The following COPS3 variants were observed in gnomAD, a reference collection of about 807,000 sequenced individuals.
COPS3 encodes the protein COP9 signalosome complex subunit 3.
A neutral mutation model predicts 58.2 loss-of-function variants in COPS3; 10 were observed. The ratio of observed to expected loss-of-function variants is 0.17; its 90% CI spans 0.11 to 0.29. The LOEUF (loss-of-function observed/expected upper bound fraction) is 0.29, where lower values mean the gene tolerates loss of function less well. Ranked by LOEUF, COPS3 falls within the 10% of genes least tolerant of loss-of-function variation. The probability of loss-of-function intolerance (pLI) is 1.00; values close to 1 mark genes in which losing one functional copy is unlikely to be tolerated. For synonymous variants in COPS3, 187 were observed against 181.7 expected (o/e 1.03, Z -0.24); for missense variants, 333 against 510.1 (o/e 0.65, Z 3.34).
chr17:17,279,941 C>A (rs6502570), intron 1 of COPS3, among the ~76,000 whole-genome samples: 107,432 of 152,122 alleles, frequency 0.71, 38,157 homozygotes, highest in East Asian at 0.85. Flanking sequence ...CTGGAAAGTG[C>A]GAGTAAAATC....
At chr17:17,278,927 G>A (rs2048517032) in intron 1 of COPS3, among the ~76,000 whole-genome samples, 1 of 150,970 alleles carries the variant, frequency 6.6e-6, no homozygotes, top group Non-Finnish European at 1.5e-5. Flanking sequence ...CAGACTGGAG[G>A]GCAGTGGCGC....
chr17:17,268,394 C>G (rs1399224810), intron 4 of COPS3, among the ~76,000 whole-genome samples: 1 of 152,124 alleles, frequency 6.6e-6, no homozygotes, highest in Non-Finnish European at 1.5e-5. Flanking sequence ...GCAGTCTACC[C>G]CTTACCTGGT....
Position 17,249,049 on chromosome 17 carries a change from G to GAAA in COPS3, c.1024-13_1024-11dup. On this transcript the variant is annotated splice_polypyrimidine_tract_variant and intron_variant, in intron 9 of 11. Coordinates refer to ENST00000268717, the MANE Select transcript of COPS3 (RefSeq NM_003653.4). ...TCTCACCATCTTCTATCTGCAGAAA[G>GAAA]AAAAAAAAAAAAATCAGGAAAGCAG... 8 of 1,205,180 alleles carry GAAA rather than the reference G, an allele frequency of 6.6e-6. No individual in the cohort carries two copies. The highest frequency in any genetic ancestry group is 2.4e-5 in the Admixed American group (1 of 42,096). 74.7% of individuals were successfully genotyped at this position (1,205,180 alleles called of 1,614,324 possible).
intron 1 of COPS3, among the ~76,000 whole-genome samples, 188 bp downstream of exon 1, chr17:17,280,944 C>G (rs113019801): frequency 6.6e-6 from 1 of 152,136 alleles, no homozygotes; most frequent in African/African-American, 2.4e-5. Flanking sequence ...GACAGCGGAG[C>G]GCGAGGGGGC....
At chr17:17,280,489 G>C in intron 1 of COPS3, 2 of 1,078,526 alleles carry the variant, frequency 1.9e-6, no homozygotes, top group Non-Finnish European at 2.4e-6. Context: ...GAAGCCGGGA[G>C]GCTGAGGTTG....
At chr17:17,251,037 C>T (rs993019434) in intron 9 of COPS3, among the ~76,000 whole-genome samples, 1 of 152,178 alleles carries the variant, frequency 6.6e-6, no homozygotes, top group Admixed American at 6.6e-5. Flanking sequence ...CACTGTTGCC[C>T]AGGCTGGAGT....
At chr17:17,264,754 TGATCACACAAG>T in intron 6 of COPS3, 37 bp downstream of exon 6, 1 of 1,535,286 alleles carries the variant, frequency 6.5e-7, no homozygotes, top group African/African-American at 1.4e-5. Context: ...AGCACTTTTT[TGATCACACAAG>T]TTCAGAACAA....
intron 6 of COPS3, among the ~76,000 whole-genome samples, chr17:17,263,733 C>T (rs1488616651): frequency 6.8e-6 from 1 of 146,200 alleles, no homozygotes; most frequent in East Asian, 2.1e-4. Context: ...AGGCTGGTCT[C>T]GAACTCCCGA....
At chr17:17,249,316 TTTTA>T (rs533955606) in intron 9 of COPS3, among the ~76,000 whole-genome samples, 16 of 151,878 alleles carry the variant, frequency 1.1e-4, no homozygotes, top group Non-Finnish European at 1.0e-4. Flanking sequence ...TAATTAACCA[TTTTA>T]TTTATTTATT....
chr17:17,274,071 A>G (rs1452412554), intron 2 of COPS3, among the ~76,000 whole-genome samples: 1 of 152,224 alleles, frequency 6.6e-6, no homozygotes, highest in Non-Finnish European at 1.5e-5. Context: ...ATAAACATAT[A>G]TATCAGGTGA....
At position 17,264,921 on chromosome 17, in the gene COPS3, C is replaced by T. The variant is rs2048187617; in HGVS notation, c.502G>A (p.Asp168Asn). The T allele has an allele frequency of 6.2e-7, 1 of 1,613,594 alleles. No homozygotes were observed. The highest frequency in any genetic ancestry group is 1.3e-5 in the African/African-American group (1 of 74,928). Residue 168 changes from aspartate to asparagine, a missense_variant, in exon 6 of 12, where the codon GAT becomes AAT. Transcript: ENST00000268717. Reference protein sequence around the residue: ...ALPYLDVDMMDICKENGAYDA... With the variant: ...ALPYLDVDMMNICKENGAYDA... ...TAGGCTCCATTCTCTTTACAGATAT[C>T]CATCATATCCACGTCAAGATATGGA... is the stretch of plus-strand genomic sequence containing the variant.
intron 5 of COPS3, among the ~76,000 whole-genome samples, chr17:17,266,261 T>C (rs961784240): frequency 3.3e-5 from 5 of 152,208 alleles, no homozygotes; most frequent in Admixed American, 6.5e-5. Context: ...CCAAGATATG[T>C]TAAATACAAA....
chr17:17,265,885 T>C (rs557903333), intron 5 of COPS3, among the ~76,000 whole-genome samples: 4 of 152,284 alleles, frequency 2.6e-5, no homozygotes, highest in African/African-American at 9.6e-5. Context: ...CAGCATGGTG[T>C]GATACAAGTA....
intron 4 of COPS3, among the ~76,000 whole-genome samples, chr17:17,270,446 A>G (rs537656735): frequency 4.3e-4 from 65 of 152,328 alleles, no homozygotes; most frequent in Admixed American, 2.1e-3. Flanking sequence ...CCTAATTAAA[A>G]GTTAAAAGAA....
intron 4 of COPS3, among the ~76,000 whole-genome samples, chr17:17,270,336 G>A (rs2048318256): frequency 6.6e-6 from 1 of 151,804 alleles, no homozygotes; most frequent in African/African-American, 2.4e-5. Context: ...AAAAAAAAAA[G>A]AATAAGTGCG....
chr17:17,273,671 T>C (rs902621371), intron 2 of COPS3, among the ~76,000 whole-genome samples: 4 of 152,140 alleles, frequency 2.6e-5, no homozygotes, highest in Non-Finnish European at 5.9e-5. Context: ...GGAAACGTGA[T>C]GAAACCCTGT....
intron 9 of COPS3, among the ~76,000 whole-genome samples, chr17:17,250,418 C>G (rs2047818066): frequency 6.6e-6 from 1 of 152,042 alleles, no homozygotes; most frequent in South Asian, 2.1e-4. Flanking sequence ...CGATGCCCAG[C>G]TAATTTTTTT....
At chr17:17,275,822 G>A (rs1176833843) in intron 2 of COPS3, among the ~76,000 whole-genome samples, 1 of 152,062 alleles carries the variant, frequency 6.6e-6, no homozygotes, top group Non-Finnish European at 1.5e-5. Context: ...AGTGCCTGTA[G>A]TCCCAGCTAC....
intron 8 of COPS3, among the ~76,000 whole-genome samples, chr17:17,256,537 G>A (rs1302965481): frequency 1.3e-5 from 2 of 152,126 alleles, no homozygotes; most frequent in African/African-American, 4.8e-5. Flanking sequence ...TATTCTTAAT[G>A]GCAGCTGGTA....
Sources: gnomAD v4.1 joint callset for allele counts (sites outside exome capture counted in the v4.1 genomes callset) on GRCh38, gnomAD v4.1.1 for gene constraint, MANE v1.5 for transcripts, NCBI Gene and HGNC (gene_info 2026-07-23, HGNC 2026-07-21) for gene names.